Variants in PRKCA observed in about 807,000 individuals in gnomAD.
PRKCA encodes protein kinase C alpha, also known as protein kinase C alpha type.
In PRKCA, 27 loss-of-function variants were observed where a neutral mutation model predicts 87.0. The ratio of observed to expected loss-of-function variants is 0.31; its 90% CI spans 0.23 to 0.43. PRKCA has a LOEUF of 0.43. Among genes scored for constraint, PRKCA ranks in the 20% least tolerant of loss-of-function variants. PRKCA has a pLI of 1.00. For missense variants in PRKCA, 518 were observed against 852.3 expected (o/e 0.61, Z 4.88); for synonymous variants, 329 against 311.1 (o/e 1.06, Z -0.61).
At chr17:66,631,368 G>C (rs745691784) in intron 3 of PRKCA, among the ~76,000 whole-genome samples, 52 of 152,198 alleles carry the variant, frequency 3.4e-4, no homozygotes, top group Non-Finnish European at 6.2e-4. Context: ...TATGTTTAGG[G>C]TTTGTGATTT....
At chr17:66,544,843 T>A (rs997059298) in intron 3 of PRKCA, among the ~76,000 whole-genome samples, 4 of 152,180 alleles carry the variant, frequency 2.6e-5, no homozygotes, top group Admixed American at 6.5e-5. Context: ...TCCACCCGCC[T>A]CGGCCTCCCA....
chr17:66,328,903 C>T (rs1906153056), intron 2 of PRKCA, among the ~76,000 whole-genome samples: 1 of 152,196 alleles, frequency 6.6e-6, no homozygotes, highest in African/African-American at 2.4e-5. Context: ...AGCCACCTTG[C>T]AGGTCTTAGT....
chr17:66,647,143 A>G (rs1161689455), intron 5 of PRKCA, among the ~76,000 whole-genome samples: 1 of 109,500 alleles, frequency 9.1e-6, no homozygotes. Flanking sequence ...CTGCAACATC[A>G]CAGCTTTGCT....
chr17:66,323,385 A>G (rs890513343), intron 2 of PRKCA, among the ~76,000 whole-genome samples: 3 of 152,354 alleles, frequency 2.0e-5, no homozygotes, highest in Middle Eastern at 6.8e-3. Flanking sequence ...TATTGTGGAA[A>G]GAACACCAAT....
At chr17:66,765,524 TTATATATA>T (rs1191720601) in intron 13 of PRKCA, among the ~76,000 whole-genome samples, 1 of 143,882 alleles carries the variant, frequency 7.0e-6, no homozygotes, top group Non-Finnish European at 1.5e-5. Context: ...ATATTTGTCT[TTATATATA>T]TATGTCTTTA....
chr17:66,353,045 G>T (rs1341797501), intron 2 of PRKCA, among the ~76,000 whole-genome samples: 1 of 152,080 alleles, frequency 6.6e-6, no homozygotes, highest in Non-Finnish European at 1.5e-5. Context: ...ATTGCTAATT[G>T]TCAACCAACT....
At chr17:66,610,054 C>A (rs957585330) in intron 3 of PRKCA, among the ~76,000 whole-genome samples, 7 of 152,160 alleles carry the variant, frequency 4.6e-5, no homozygotes, top group Non-Finnish European at 8.8e-5. Flanking sequence ...ACACTGCCCC[C>A]CACCATCCCT....
intron 1 of PRKCA, 121 bp from the exon 2 acceptor site, chr17:66,305,975 A>G: frequency 1.1e-6 from 1 of 899,772 alleles, no homozygotes; most frequent in Non-Finnish European, 1.8e-6. Flanking sequence ...TTTTTCTATT[A>G]AATCATTGGG....
At chr17:66,448,181 T>C (rs1914130860) in intron 2 of PRKCA, among the ~76,000 whole-genome samples, 1 of 152,232 alleles carries the variant, frequency 6.6e-6, no homozygotes, top group Admixed American at 6.5e-5. Flanking sequence ...GATATCGTGC[T>C]GTTATTTTGT....
intron 3 of PRKCA, among the ~76,000 whole-genome samples, chr17:66,551,076 T>G (rs778134602): frequency 2.6e-5 from 4 of 152,068 alleles, no homozygotes; most frequent in Non-Finnish European, 5.9e-5. Context: ...TAATTGTTGT[T>G]TTTTGAGACA....
At chr17:66,355,009 C>T (rs1444823898) in intron 2 of PRKCA, among the ~76,000 whole-genome samples, 1 of 152,130 alleles carries the variant, frequency 6.6e-6, no homozygotes, top group East Asian at 1.9e-4. Flanking sequence ...ATGATGAACT[C>T]TCGTTGCTCG....
chr17:66,400,101 T>C (rs1254777575), intron 2 of PRKCA, among the ~76,000 whole-genome samples: 1 of 152,188 alleles, frequency 6.6e-6, no homozygotes, highest in African/African-American at 2.4e-5. Flanking sequence ...AAAATTACAG[T>C]TTTAACCACT....
chr17:66,404,819 G>T (rs921617888), intron 2 of PRKCA, among the ~76,000 whole-genome samples: 1 of 134,644 alleles, frequency 7.4e-6, no homozygotes, highest in Non-Finnish European at 1.5e-5. Flanking sequence ...GCACGATCTC[G>T]GCTCACTGCA....
intron 4 of PRKCA, 73 bp downstream of exon 4, chr17:66,641,539 G>A: frequency 9.1e-7 from 1 of 1,092,912 alleles, no homozygotes; most frequent in African/African-American, 1.6e-5. Context: ...AGCAAGGAAG[G>A]CTCAGTAACT....
chr17:66,418,238 G>A (rs1405747820), intron 2 of PRKCA, among the ~76,000 whole-genome samples: 3 of 152,244 alleles, frequency 2.0e-5, no homozygotes, highest in East Asian at 3.9e-4. Context: ...GTGTGTGTGC[G>A]CGTATGTGTA....
At chr17:66,364,760 C>T (rs1908601601) in intron 2 of PRKCA, among the ~76,000 whole-genome samples, 2 of 152,166 alleles carry the variant, frequency 1.3e-5, no homozygotes, top group African/African-American at 4.8e-5. Flanking sequence ...TTAATGGATT[C>T]ACTCAGCCAG....
chr17:66,406,228 C>A (rs1911365961), intron 2 of PRKCA, among the ~76,000 whole-genome samples: 1 of 152,042 alleles, frequency 6.6e-6, no homozygotes, highest in Non-Finnish European at 1.5e-5. Flanking sequence ...TACAGGTCTC[C>A]CATTAAAGAA....
chr17:66,584,762 G>A (rs771932864), intron 3 of PRKCA, among the ~76,000 whole-genome samples: 5 of 152,056 alleles, frequency 3.3e-5, no homozygotes, highest in East Asian at 1.9e-4. Context: ...AATCCCCTTC[G>A]TCTTTCTGAG....
chr17:66,421,350 G>A (rs1912477166), intron 2 of PRKCA, among the ~76,000 whole-genome samples: 1 of 151,772 alleles, frequency 6.6e-6, no homozygotes, highest in South Asian at 2.1e-4. Flanking sequence ...TGGAAGGAAG[G>A]GGCAGTCCCT....
Sources: allele counts gnomAD v4.1 joint callset (sites outside exome capture counted in the v4.1 genomes callset), GRCh38; gene constraint gnomAD v4.1.1; transcripts MANE v1.5; gene names NCBI Gene and HGNC (gene_info 2026-07-23, HGNC 2026-07-21).